Variants in TMEM63C observed in about 807,000 individuals in gnomAD.
TMEM63C encodes osmosensitive cation channel TMEM63C.
Under a neutral mutation model 99.2 loss-of-function variants are expected in TMEM63C, and 32 were observed. That is an observed-to-expected ratio of 0.32 (90% confidence interval 0.24 to 0.43). The LOEUF is 0.43. Ranked by LOEUF, TMEM63C falls within the 20% of genes least tolerant of loss-of-function variation. TMEM63C has a pLI of 1.00. For missense variants in TMEM63C, 826 were observed against 1,053.0 expected (o/e 0.78, Z 2.98); for synonymous variants, 376 against 397.9 (o/e 0.94, Z 0.66).
chr14:77,209,695 C>A (rs1888462460), intron 1 of TMEM63C, among the ~76,000 whole-genome samples: 1 of 152,098 alleles, frequency 6.6e-6, no homozygotes, highest in Admixed American at 6.5e-5. Context: ...AAGCTGGACT[C>A]AGGGGCTTTA....
intron 13 of TMEM63C, among the ~76,000 whole-genome samples, chr14:77,241,898 C>T (rs902989561): frequency 1.2e-4 from 19 of 152,314 alleles, no homozygotes; most frequent in African/African-American, 3.8e-4. Flanking sequence ...CTCTAGGCAC[C>T]TCGATTTAGT....
In TMEM63C at chr14:77,250,771, C is replaced by A. The variant is rs374450605; in HGVS notation, c.2039-1018C>A. Among the ~76,000 whole-genome samples the A allele has an allele frequency of 3.9e-5, 6 of 152,304 alleles. No individual in the cohort carries two copies. The East Asian group carries it at 7.7e-4, about 20-fold the overall frequency. On this transcript the variant is annotated intron_variant, in intron 21 of 23. Coordinates refer to ENST00000298351, the MANE Select transcript of TMEM63C (RefSeq NM_020431.4). The stretch of plus-strand genomic sequence containing the variant: ...TATGTGGCTTACCCATTTGCCATCA[C>A]CCCCAATTGCTTATCCCGCTAGCCT...
intron 1 of TMEM63C, among the ~76,000 whole-genome samples, chr14:77,208,621 A>T (rs572706322): frequency 6.6e-6 from 1 of 152,350 alleles, no homozygotes; most frequent in East Asian, 1.9e-4. Context: ...TTAACTTTCC[A>T]GCTTCTGCAA....
intron 1 of TMEM63C, among the ~76,000 whole-genome samples, chr14:77,196,732 A>T (rs1291293089): frequency 1.3e-5 from 2 of 152,208 alleles, no homozygotes; most frequent in African/African-American, 4.8e-5. Flanking sequence ...TCCAACCGCA[A>T]TCTCTTTTTA....
intron 2 of TMEM63C, among the ~76,000 whole-genome samples, chr14:77,217,777 G>A (rs1437448326): frequency 6.6e-6 from 1 of 152,230 alleles, no homozygotes; most frequent in East Asian, 1.9e-4. Context: ...TCCCTGGGCA[G>A]GTCCTGGTCT....
In TMEM63C at chr14:77,248,817, C is replaced by T. The variant is rs755560003; in HGVS notation, c.1815C>T (p.Asn605=). Residue 605 remains asparagine, a synonymous_variant, in exon 20 of 24, where the codon AAC becomes AAT. Transcript: ENST00000298351. Reference sequence around the variant, plus strand: ...GGCGTGAGTATGCGTGGATGATGAACGTGTTCAGCGTGGTGATGGCGTACA... The same window carrying T: ...GGCGTGAGTATGCGTGGATGATGAATGTGTTCAGCGTGGTGATGGCGTACA... ...QFGREYAWMM[N]VFSVVMAYSI... 5.6e-6 allele frequency: 9 copies of T among 1,613,942 alleles called. No homozygotes were observed. In the East Asian group the frequency reaches 1.1e-4, roughly 20 times the overall value.
At chr14:77,220,706 G>T (rs769801125) in intron 5 of TMEM63C, among the ~76,000 whole-genome samples, 7 of 152,060 alleles carry the variant, frequency 4.6e-5, no homozygotes, top group Non-Finnish European at 7.4e-5. Context: ...AACGCCACAG[G>T]AGGAGGTCAG....
intron 1 of TMEM63C, among the ~76,000 whole-genome samples, chr14:77,188,896 GAATAA>G (rs1888052340): frequency 1.3e-5 from 2 of 151,992 alleles, no homozygotes; most frequent in African/African-American, 4.8e-5. Context: ...TGCAAGAATA[GAATAA>G]TGAATAAAAC....
intron 20 of TMEM63C, 137 bp from the exon 21 acceptor site, chr14:77,249,154 G>A: frequency 1.1e-6 from 1 of 909,822 alleles, no homozygotes. Context: ...CAGTACCACG[G>A]AGCTCCCCCA....
chr14:77,216,479 C>G (rs1888588208), intron 2 of TMEM63C, among the ~76,000 whole-genome samples: 1 of 152,192 alleles, frequency 6.6e-6, no homozygotes, highest in East Asian at 1.9e-4. Flanking sequence ...GCAGACTAAC[C>G]TATCCAAATC....
At chr14:77,252,551 C>A (rs1019137724) in intron 22 of TMEM63C, among the ~76,000 whole-genome samples, 1 of 152,204 alleles carries the variant, frequency 6.6e-6, no homozygotes, top group Admixed American at 6.5e-5. Flanking sequence ...CATAATTTTT[C>A]ATTTTTCATG....
intron 20 of TMEM63C, 102 bp from the exon 21 acceptor site, chr14:77,249,189 T>A: frequency 3.1e-6 from 4 of 1,274,914 alleles, no homozygotes; most frequent in Non-Finnish European, 4.5e-6. Flanking sequence ...GTTGTGACTC[T>A]GACAGCCGTG....
Position 77,252,371 on chromosome 14 carries a change from GC to G in TMEM63C, c.2148+477del, listed in dbSNP as rs1889383647. On this transcript the variant is annotated intron_variant, in intron 22 of 23. Transcript: ENST00000298351. ...GTGGCCATGTTTGGAGGTGGCCCCT[GC>G]CCCACATGACTCCTTTGGTTGTTGG... 2.0e-5 allele frequency among the ~76,000 whole-genome samples: 3 copies of G among 152,290 alleles called. No individual in the cohort carries two copies. The South Asian group carries it at 6.2e-4, about 32-fold the overall frequency.
rs35539735 is a variant in TMEM63C at position 77,251,783 on chromosome 14, C to T, written c.2039-6C>T. 0.052 allele frequency: 84,267 copies of T among 1,611,196 alleles called. 2,514 individuals carry two copies. The highest frequency in any genetic ancestry group is 0.081 in the Admixed American group (4,857 of 60,012). On this transcript the variant is annotated splice_polypyrimidine_tract_variant and splice_region_variant and intron_variant, in intron 21 of 23. Coordinates refer to ENST00000298351, the MANE Select transcript of TMEM63C (RefSeq NM_020431.4). ...CCTGCCCATGACTTTTTCTCCTCCT[C>T]GGCAGGTTCTCTCCACGCCATCACC... is the stretch of plus-strand genomic sequence containing the variant.
intron 23 of TMEM63C, among the ~76,000 whole-genome samples, chr14:77,255,303 T>G (rs1404323901): frequency 2.0e-5 from 3 of 152,322 alleles, no homozygotes; most frequent in Non-Finnish European, 4.4e-5. Flanking sequence ...TAACCTGCAT[T>G]TTTAGTTAAC....
intron 8 of TMEM63C, among the ~76,000 whole-genome samples, chr14:77,236,349 C>T: frequency 1.2e-4 from 1 of 8,168 alleles, no homozygotes; most frequent in African/African-American, 6.9e-4. Flanking sequence ...TATGGGCAGA[C>T]TGTGGTGGGT....
chr14:77,191,734 G>C (rs1452909159), intron 1 of TMEM63C, among the ~76,000 whole-genome samples: 1 of 151,036 alleles, frequency 6.6e-6, no homozygotes, highest in African/African-American at 2.4e-5. Flanking sequence ...AGTAGAGATG[G>C]GATTTCTCCA....
chr14:77,186,776 G>GGTGTGTGTGTGTGTGTGTGT lies in TMEM63C; in HGVS notation c.-77+4887_-77+4906dup, dbSNP rs750331360. Among the ~76,000 whole-genome samples the GGTGTGTGTGTGTGTGTGTGT allele has an allele frequency of 6.1e-3, 843 of 138,436 alleles. 23 individuals are homozygous for GGTGTGTGTGTGTGTGTGTGT. The East Asian group carries it at 0.073, about 12-fold the overall frequency. The allele number at this position is 138,436 out of a possible 152,430, so 90.8% of individuals were successfully genotyped here. ...GGGGGAATCTTCTCAGAACCAAAGG[G>GGTGTGTGTGTGTGTGTGTGT]GTGTGTGTGTGTGTGTGTGTGTGTC... On this transcript the variant is annotated intron_variant, in intron 1 of 23. Coordinates refer to ENST00000298351, the MANE Select transcript of TMEM63C (RefSeq NM_020431.4).
In TMEM63C at chr14:77,239,490, G is replaced by A; in HGVS notation, c.804G>A (p.Gln268=). The change falls in exon 11 of 24, where the codon CAG becomes CAA. Residue 268 remains glutamine (Q), a splice_region_variant and synonymous_variant. Transcript: ENST00000298351. ...GGAACCTGATCGACTTGGACGATCAGAGGTGAGGCTGCAGCGGGGCCTTTT... is the reference window on the plus strand; with the variant it reads ...GGAACCTGATCGACTTGGACGATCAAAGGTGAGGCTGCAGCGGGGCCTTTT... The part of the protein sequence containing the change: ...DVRNLIDLDD[Q]RRHAMRGRLF... 1.2e-6 allele frequency: 2 copies of A among 1,613,566 alleles called. No individual in the cohort carries two copies. The highest frequency in any genetic ancestry group is 1.7e-6 in the Non-Finnish European group (2 of 1,179,832).
Sources: gnomAD v4.1 joint callset for allele counts (sites outside exome capture counted in the v4.1 genomes callset) on GRCh38, gnomAD v4.1.1 for gene constraint, MANE v1.5 for transcripts, NCBI Gene and HGNC (gene_info 2026-07-23, HGNC 2026-07-21) for gene names.